Variants in SLC38A9 observed in about 807,000 individuals in gnomAD.
SLC38A9 encodes the protein solute carrier family 38 member 9.
Under a neutral mutation model 62.3 loss-of-function variants are expected in SLC38A9, and 48 were observed. The ratio of observed to expected loss-of-function variants is 0.77; its 90% CI spans 0.61 to 0.98. SLC38A9 has a LOEUF of 0.98. SLC38A9 is among the 50% of genes least tolerant of loss of function. The pLI is 0.00. For synonymous variants in SLC38A9, 204 were observed against 227.7 expected (o/e 0.90, Z 0.94); for missense variants, 541 against 679.8 (o/e 0.80, Z 2.27).
chr5:55,669,137 C>G, intron 7 of SLC38A9, 91 bp downstream of exon 7: 1 of 766,710 alleles, frequency 1.3e-6, no homozygotes, highest in Non-Finnish European at 2.1e-6. Flanking sequence ...AGACAGCTGA[C>G]ACACATGTAG....
chr5:55,639,571 C>G (rs1261807213), intron 12 of SLC38A9, among the ~76,000 whole-genome samples: 3 of 151,954 alleles, frequency 2.0e-5, no homozygotes, highest in Non-Finnish European at 4.4e-5. Flanking sequence ...ATTCAGAGTC[C>G]CTGGCAAGCT....
At chr5:55,659,318 C>T (rs1442186099) in intron 8 of SLC38A9, among the ~76,000 whole-genome samples, 1 of 147,876 alleles carries the variant, frequency 6.8e-6, no homozygotes, top group Admixed American at 6.8e-5. Context: ...TATATAATTA[C>T]ATACGTATAT....
chr5:55,636,898 C>G (rs1744480516), intron 12 of SLC38A9, among the ~76,000 whole-genome samples: 2 of 152,138 alleles, frequency 1.3e-5, no homozygotes, highest in South Asian at 4.1e-4. Context: ...AAGAGGATGA[C>G]CGGGCACAGT....
intron 2 of SLC38A9, among the ~76,000 whole-genome samples, chr5:55,698,629 A>G (rs1756238889): frequency 6.6e-6 from 1 of 152,252 alleles, no homozygotes; most frequent in Non-Finnish European, 1.5e-5. Flanking sequence ...AGGGAACTAC[A>G]AAGAAGTCTT....
intron 12 of SLC38A9, among the ~76,000 whole-genome samples, chr5:55,636,787 T>G (rs1320596673): frequency 6.6e-6 from 1 of 152,190 alleles, no homozygotes; most frequent in Non-Finnish European, 1.5e-5. Flanking sequence ...AGTTAAGGGT[T>G]TTAAACCCTA....
intron 2 of SLC38A9, among the ~76,000 whole-genome samples, chr5:55,709,606 A>G (rs1469043914): frequency 6.6e-6 from 1 of 152,124 alleles, no homozygotes; most frequent in African/African-American, 2.4e-5. Flanking sequence ...AAAAAAAAAT[A>G]CTAAACAATA....
In SLC38A9 at chr5:55,625,992, T is replaced by C. The variant is rs1318297040; in HGVS notation, c.*502A>G. 1 of 153,004 alleles carries C rather than the reference T, an allele frequency of 6.5e-6. No homozygotes were observed. Among genetic ancestry groups the C allele is most frequent in the Non-Finnish European group, 1.5e-5 (1 of 68,340 alleles). The allele number at this position is 153,004 out of a possible 1,614,324, so 9.5% of individuals were successfully genotyped here. On this transcript the variant is annotated 3_prime_UTR_variant, in exon 16 of 16. Transcript: ENST00000396865. The stretch of plus-strand genomic sequence containing the variant: ...ATGTACTTTATTAACACTGATGCCA[T>C]GAAAACTTCTTTTTAAAAATGAGGT...
At chr5:55,670,518 T>C (rs1751132404) in intron 4 of SLC38A9, among the ~76,000 whole-genome samples, 1 of 152,214 alleles carries the variant, frequency 6.6e-6, no homozygotes, top group Admixed American at 6.5e-5. Flanking sequence ...AAAATAGTTT[T>C]GGGATTTTCA....
intron 10 of SLC38A9, 94 bp from the exon 11 acceptor site, chr5:55,649,408 G>T (rs1746978622): frequency 1.5e-6 from 1 of 689,586 alleles, no homozygotes; most frequent in Non-Finnish European, 2.3e-6. Context: ...TCAGCAAAGT[G>T]TGGGAAACTG....
At chr5:55,682,564 C>T (rs1023313640) in intron 3 of SLC38A9, among the ~76,000 whole-genome samples, 7 of 152,144 alleles carry the variant, frequency 4.6e-5, no homozygotes, top group East Asian at 3.9e-4. Flanking sequence ...TGATTGAGGC[C>T]GGGAGTTCAA....
At chr5:55,688,148 A>C (rs1358354414) in intron 3 of SLC38A9, among the ~76,000 whole-genome samples, 2 of 152,186 alleles carry the variant, frequency 1.3e-5, no homozygotes, top group African/African-American at 4.8e-5. Flanking sequence ...CAGCTTAAGA[A>C]GCTTTTGGAC....
At chr5:55,678,645 C>CTTTGTTTTTTTT (rs1561397701) in intron 3 of SLC38A9, among the ~76,000 whole-genome samples, 1 of 45,800 alleles carries the variant, frequency 2.2e-5, no homozygotes. Context: ...CTGAAATGAA[C>CTTTGTTTTTTTT]TTTTTTTTTT....
intron 11 of SLC38A9, among the ~76,000 whole-genome samples, chr5:55,648,588 T>C (rs1231727973): frequency 1.3e-5 from 2 of 152,116 alleles, no homozygotes; most frequent in Non-Finnish European, 2.9e-5. Context: ...ATTTGGAATG[T>C]GTAAAGAACT....
chr5:55,643,269 C>A (rs1049011150), intron 12 of SLC38A9, among the ~76,000 whole-genome samples: 3 of 152,140 alleles, frequency 2.0e-5, no homozygotes, highest in Non-Finnish European at 4.4e-5. Context: ...TCTAATTTTT[C>A]TTGTGATTTC....
intron 4 of SLC38A9, among the ~76,000 whole-genome samples, chr5:55,670,843 C>T (rs1751189317): frequency 6.6e-6 from 1 of 151,860 alleles, no homozygotes; most frequent in Admixed American, 6.6e-5. Context: ...ACTAAGACTT[C>T]GCCACAACTA....
intron 2 of SLC38A9, among the ~76,000 whole-genome samples, chr5:55,703,521 A>AT (rs1404877728): frequency 6.6e-6 from 1 of 152,224 alleles, no homozygotes; most frequent in African/African-American, 2.4e-5. Context: ...TTCAGTGATA[A>AT]TTGTTACAAA....
chr5:55,702,705 G>C (rs189911783), intron 2 of SLC38A9: 33 of 151,842 alleles, frequency 2.2e-4, no homozygotes, highest in Non-Finnish European at 5.9e-5. Context: ...TTTTTCTTCA[G>C]TCATGAACAT....
At position 55,687,065 on chromosome 5, in the gene SLC38A9, G is replaced by GTT. The variant is rs56912932; in HGVS notation, c.113+10779_113+10780dup. ...TGGATAGCATGATGCCTCCAGCTTT[G>GTT]TTTTTTTTTTTTTTTTTTTTTTTTT... On this transcript the variant is annotated intron_variant, in intron 3 of 15. Coordinates refer to ENST00000396865, the MANE Select transcript of SLC38A9 (RefSeq NM_173514.4). Among the ~76,000 whole-genome samples the GTT allele has an allele frequency of 7.7e-3, 966 of 125,266 alleles. 35 individuals carry two copies. The highest frequency in any genetic ancestry group is 0.028 in the African/African-American group (869 of 31,206). The allele number at this position is 125,266 out of a possible 152,430, so 82.2% of individuals were successfully genotyped here. A position where few individuals can be genotyped will look rare whatever the true frequency, so the allele number is the denominator to read the frequency against.
Position 55,706,348 on chromosome 5 carries a change from TG to T in SLC38A9, c.-35+5103del, listed in dbSNP as rs149503598. ...TGGTTCCTAAACTAAACTGAGAATGTGGGTGAGTTTAGAGAGAGAAGATCCT... is the reference window on the plus strand; with the variant it reads ...TGGTTCCTAAACTAAACTGAGAATGTGGTGAGTTTAGAGAGAGAAGATCCT... On this transcript the variant is annotated intron_variant, in intron 2 of 15. Coordinates refer to ENST00000396865, the MANE Select transcript of SLC38A9 (RefSeq NM_173514.4). Among the ~76,000 whole-genome samples, 4 of 152,296 alleles carry T rather than the reference TG, an allele frequency of 2.6e-5. No individual in the cohort carries two copies. The East Asian group carries it at 7.7e-4, about 29-fold the overall frequency.
Sources: allele counts gnomAD v4.1 joint callset (sites outside exome capture counted in the v4.1 genomes callset), GRCh38; gene constraint gnomAD v4.1.1; transcripts MANE v1.5; gene names NCBI Gene and HGNC (gene_info 2026-07-23, HGNC 2026-07-21).